The following TMPRSS11E variants were observed in gnomAD, a reference collection of about 807,000 sequenced individuals.
TMPRSS11E encodes the protein transmembrane protease serine 11E.
In TMPRSS11E, 38 loss-of-function variants were observed where a neutral mutation model predicts 48.1. That is an observed-to-expected ratio of 0.79 (90% CI 0.61 to 1.04). TMPRSS11E has a LOEUF of 1.04. TMPRSS11E is among the 50% of genes least tolerant of loss of function. TMPRSS11E has a pLI of 0.00. For missense variants in TMPRSS11E, 530 were observed against 510.8 expected, an observed-to-expected ratio of 1.04 and a Z score of -0.36; for synonymous variants, 158 against 171.9, an observed-to-expected ratio of 0.92 and a Z score of 0.63.
chr4:68,457,876 A>C (rs1268587407), intron 1 of TMPRSS11E, among the ~76,000 whole-genome samples: 1 of 152,034 alleles, frequency 6.6e-6, no homozygotes, highest in Non-Finnish European at 1.5e-5. Flanking sequence ...AGTGGGAGTT[A>C]AACAATGAGA....
At chr4:68,476,180 G>A in intron 6 of TMPRSS11E, 81 bp from the exon 7 acceptor site, 1 of 1,569,700 alleles carries the variant, frequency 6.4e-7, no homozygotes, top group Non-Finnish European at 8.7e-7. Flanking sequence ...AAGAAATATG[G>A]GACATAGTAA....
intron 5 of TMPRSS11E, among the ~76,000 whole-genome samples, chr4:68,472,138 T>C (rs1203133909): frequency 2.0e-5 from 3 of 151,952 alleles, no homozygotes; most frequent in African/African-American, 7.2e-5. Context: ...TTGTTATTGT[T>C]TGTAGGGCCA....
intron 2 of TMPRSS11E, among the ~76,000 whole-genome samples, chr4:68,464,025 C>T (rs1728864744): frequency 6.6e-6 from 1 of 152,132 alleles, no homozygotes; most frequent in African/African-American, 2.4e-5. Flanking sequence ...AGAATTTTTT[C>T]AGTAACCTGT....
At chr4:68,465,512 C>T (rs1728903885) in intron 2 of TMPRSS11E, among the ~76,000 whole-genome samples, 1 of 152,106 alleles carries the variant, frequency 6.6e-6, no homozygotes, top group African/African-American at 2.4e-5. Flanking sequence ...TGGCTATGTC[C>T]TGCTGGACTT....
chr4:68,467,205 TAGTAAATC>T (rs1728951618), intron 3 of TMPRSS11E, among the ~76,000 whole-genome samples: 1 of 152,152 alleles, frequency 6.6e-6, no homozygotes, highest in Admixed American at 6.6e-5. Context: ...TATAAATCTG[TAGTAAATC>T]CACAGATATG....
intron 1 of TMPRSS11E, among the ~76,000 whole-genome samples, chr4:68,457,788 C>T (rs1344583422): frequency 5.3e-5 from 8 of 149,700 alleles, no homozygotes; most frequent in South Asian, 2.1e-4. Flanking sequence ...TGCAGGGACA[C>T]GGATGAAGCC....
chr4:68,461,647 A>C (rs1257336759), intron 1 of TMPRSS11E, among the ~76,000 whole-genome samples, 174 bp from the exon 2 acceptor site: 1 of 152,218 alleles, frequency 6.6e-6, no homozygotes, highest in Non-Finnish European at 1.5e-5. Flanking sequence ...GCCTAGCAAC[A>C]GGAGTCAGAG....
Position 68,461,878 on chromosome 4 carries a change from C to T in TMPRSS11E, c.69C>T (p.Leu23=), listed in dbSNP as rs760372688. ...RVCWEPWVIG[L]VIFISLIVLA... Reference sequence around the variant, plus strand: ...GTTGGGAACCCTGGGTTATCGGCCTCGTCATCTTCATATCCCTGATTGTCC... The same window carrying T: ...GTTGGGAACCCTGGGTTATCGGCCTTGTCATCTTCATATCCCTGATTGTCC... The change falls in exon 2 of 10, where the codon CTC becomes CTT. Residue 23 remains leucine (L), a synonymous_variant. Coordinates refer to ENST00000305363, the MANE Select transcript of TMPRSS11E (RefSeq NM_014058.4). 11 of 1,614,164 alleles carry T rather than the reference C, an allele frequency of 6.8e-6. 1 individual carries two copies. In the South Asian group the frequency reaches 8.8e-5, roughly 13 times the overall value.
intron 2 of TMPRSS11E, among the ~76,000 whole-genome samples, chr4:68,464,684 A>G (rs1728880583): frequency 6.6e-6 from 1 of 152,214 alleles, no homozygotes; most frequent in Non-Finnish European, 1.5e-5. Flanking sequence ...GAAATTGCCA[A>G]TATTTGACTA....
rs1334278817 is a variant in TMPRSS11E at position 68,478,998 on chromosome 4, A to T, written c.1110+7A>T. 3 of 1,612,300 alleles carry T rather than the reference A, an allele frequency of 1.9e-6. No homozygotes were observed. Among genetic ancestry groups the T allele is most frequent in the Non-Finnish European group, 2.5e-6 (3 of 1,179,536 alleles). On this transcript the variant is annotated splice_region_variant and intron_variant, in intron 9 of 9. Coordinates refer to ENST00000305363, the MANE Select transcript of TMPRSS11E (RefSeq NM_014058.4). Reference sequence around the variant, plus strand: ...AAAAACAGATGCATGCCAGGTAAACAGTTTTGCCCATTAGTAGGTTGTGTA... The same window carrying T: ...AAAAACAGATGCATGCCAGGTAAACTGTTTTGCCCATTAGTAGGTTGTGTA...
At chr4:68,492,186 G>C (rs1729744095) in intron 9 of TMPRSS11E, among the ~76,000 whole-genome samples, 1 of 152,126 alleles carries the variant, frequency 6.6e-6, no homozygotes, top group Non-Finnish European at 1.5e-5. Flanking sequence ...TCAATCTCCT[G>C]AAATGAATTC....
intron 2 of TMPRSS11E, among the ~76,000 whole-genome samples, chr4:68,465,607 A>T (rs981747891): frequency 3.0e-4 from 43 of 144,982 alleles, no homozygotes; most frequent in African/African-American, 1.1e-3. Flanking sequence ...AAATTAAATG[A>T]GATATGTGAA....
At chr4:68,490,049 T>G (rs1044324417) in intron 9 of TMPRSS11E, among the ~76,000 whole-genome samples, 2 of 152,150 alleles carry the variant, frequency 1.3e-5, no homozygotes, top group Non-Finnish European at 2.9e-5. Context: ...CAGCTAAGAT[T>G]CTGGAGGTCT....
At chr4:68,459,024 A>T (rs2109668866) in intron 1 of TMPRSS11E, among the ~76,000 whole-genome samples, 1 of 152,050 alleles carries the variant, frequency 6.6e-6, no homozygotes, top group Admixed American at 6.5e-5. Flanking sequence ...GGAGAAATTA[A>T]GACAGATAAT....
intron 1 of TMPRSS11E, among the ~76,000 whole-genome samples, chr4:68,461,020 A>T (rs1728775861): frequency 1.3e-5 from 2 of 152,104 alleles, no homozygotes; most frequent in South Asian, 4.1e-4. Context: ...AGCTGGGACT[A>T]CAGGCGCCTG....
intron 3 of TMPRSS11E, among the ~76,000 whole-genome samples, chr4:68,468,465 C>T (rs1422747706): frequency 6.6e-6 from 1 of 152,066 alleles, no homozygotes; most frequent in Non-Finnish European, 1.5e-5. Context: ...GTTTGGGAAG[C>T]ATTTGACATG....
chr4:68,487,567 G>A (rs909097749), intron 9 of TMPRSS11E, among the ~76,000 whole-genome samples: 1 of 152,022 alleles, frequency 6.6e-6, no homozygotes, highest in Non-Finnish European at 1.5e-5. Context: ...ATGGTCTTTT[G>A]TTGCCATGTT....
intron 4 of TMPRSS11E, among the ~76,000 whole-genome samples, chr4:68,470,391 A>G (rs2109686901): frequency 6.6e-6 from 1 of 151,910 alleles, no homozygotes; most frequent in East Asian, 1.9e-4. Context: ...GGCATTGACA[A>G]ATATTCCTGA....
At chr4:68,493,482 G>A (rs1201820475) in intron 9 of TMPRSS11E, among the ~76,000 whole-genome samples, 2 of 152,032 alleles carry the variant, frequency 1.3e-5, no homozygotes, top group Non-Finnish European at 2.9e-5. Context: ...TTTTGGGGGG[G>A]AGGGATGGAG....
Sources: gnomAD v4.1 joint callset for allele counts (sites outside exome capture counted in the v4.1 genomes callset) on GRCh38, gnomAD v4.1.1 for gene constraint, MANE v1.5 for transcripts, NCBI Gene and HGNC (gene_info 2026-07-23, HGNC 2026-07-21) for gene names.